Variants in CRPPA observed in about 807,000 individuals in gnomAD.
CRPPA encodes the protein CDP-L-ribitol pyrophosphorylase A.
A neutral mutation model predicts 52.0 loss-of-function variants in CRPPA; 43 were observed. The ratio of observed to expected loss-of-function variants is 0.83; its 90% CI spans 0.65 to 1.07. The LOEUF is 1.07. Among genes scored for constraint, CRPPA ranks in the 50% least tolerant of loss-of-function variants. The pLI, the probability that CRPPA is intolerant of heterozygous loss-of-function variation, is 0.00. For synonymous variants in CRPPA, 250 were observed against 203.5 expected, an observed-to-expected ratio of 1.23 and a Z score of -1.94; for missense variants, 629 against 551.7, an observed-to-expected ratio of 1.14 and a Z score of -1.40.
chr7:16,299,082 A>G (rs1272953911), intron 5 of CRPPA, among the ~76,000 whole-genome samples: 1 of 152,170 alleles, frequency 6.6e-6, no homozygotes, highest in African/African-American at 2.4e-5. Flanking sequence ...ATCTCTGTAC[A>G]TCCTACTGGT....
chr7:16,257,583 T>C (rs147166295), intron 8 of CRPPA, among the ~76,000 whole-genome samples: 1 of 152,258 alleles, frequency 6.6e-6, no homozygotes, highest in East Asian at 1.9e-4. Context: ...GTTATTTATA[T>C]TGCAAATTAT....
chr7:16,313,905 G>A (rs993336228), intron 3 of CRPPA, among the ~76,000 whole-genome samples: 25 of 151,928 alleles, frequency 1.6e-4, no homozygotes, highest in African/African-American at 6.0e-4. Flanking sequence ...TTGTTAAGGT[G>A]TGTTTTATGG....
intron 8 of CRPPA, 67 bp from the exon 9 acceptor site, chr7:16,216,264 T>TTA: frequency 9.7e-7 from 1 of 1,034,212 alleles, no homozygotes; most frequent in Non-Finnish European, 1.4e-6. Context: ...GGAAAAAACA[T>TTA]TAAAGAAGCT....
chr7:16,342,792 T>TAGATAGATAGATAGATAG (rs764068705), intron 3 of CRPPA, among the ~76,000 whole-genome samples: 1 of 91,538 alleles, frequency 1.1e-5, no homozygotes, highest in African/African-American at 4.2e-5. Flanking sequence ...AATATATATA[T>TAGATAGATAGATAGATAG]ATATATCTAT....
At chr7:16,318,754 T>C (rs1016902645) in intron 3 of CRPPA, among the ~76,000 whole-genome samples, 4 of 152,052 alleles carry the variant, frequency 2.6e-5, no homozygotes, top group African/African-American at 4.8e-5. Context: ...CCTCCACCTA[T>C]ATCAATCACA....
At chr7:16,259,970 T>A (rs1326723657) in intron 6 of CRPPA, among the ~76,000 whole-genome samples, 1 of 152,028 alleles carries the variant, frequency 6.6e-6, no homozygotes, top group African/African-American at 2.4e-5. Flanking sequence ...TATTAAATTT[T>A]AAAAATTTTA....
In CRPPA at chr7:16,089,302, A is replaced by ATT. The variant is rs1562496323; in HGVS notation, c.*2392_*2393insAA. 1 of 396,684 alleles carries ATT rather than the reference A, an allele frequency of 2.5e-6. No homozygotes were observed. Among genetic ancestry groups the ATT allele is most frequent in the East Asian group, 7.8e-5 (1 of 12,760 alleles). 24.6% of individuals were successfully genotyped at this position (396,684 alleles called of 1,614,324 possible). A position where few individuals can be genotyped will look rare whatever the true frequency, so the allele number is the denominator to read the frequency against. Reference sequence around the variant, plus strand: ...TGTGTGTATGCGTACGTATATACATATATGTGTGTATGCGTACGTATATAA... The same window carrying ATT: ...TGTGTGTATGCGTACGTATATACATATTTATGTGTGTATGCGTACGTATATAA... On this transcript the variant is annotated 3_prime_UTR_variant, in exon 10 of 10. Coordinates refer to ENST00000407010, the MANE Select transcript of CRPPA (RefSeq NM_001101426.4).
Position 16,389,677 on chromosome 7 carries a change from C to T in CRPPA, c.535-13436G>A, listed in dbSNP as rs562397720. Among the ~76,000 whole-genome samples, 3 of 151,746 alleles carry T rather than the reference C, an allele frequency of 2.0e-5. No homozygotes were observed. The East Asian group carries it at 5.8e-4, about 29-fold the overall frequency. On this transcript the variant is annotated intron_variant, in intron 2 of 9. Transcript: ENST00000407010. ...ACTGGTAAAATACTGAGTGTTTTCC[C>T]TTTATGATCAAGAGTAAGCAAGGAA...
intron 5 of CRPPA, among the ~76,000 whole-genome samples, chr7:16,297,298 C>T (rs559789524): frequency 2.4e-4 from 36 of 152,250 alleles, no homozygotes; most frequent in African/African-American, 8.2e-4. Flanking sequence ...GTCCAATGTC[C>T]TCCAAGTCTT....
At chr7:16,270,335 T>C (rs1784062930) in intron 6 of CRPPA, 1 of 151,862 alleles carries the variant, frequency 6.6e-6, no homozygotes, top group South Asian at 2.1e-4. Context: ...AGAATATAAA[T>C]AATTAAAAAG....
intron 9 of CRPPA, among the ~76,000 whole-genome samples, chr7:16,206,699 G>C (rs538780116): frequency 6.6e-6 from 1 of 152,060 alleles, no homozygotes; most frequent in African/African-American, 2.4e-5. Context: ...AAGTGTTTTA[G>C]AATGATACAG....
intron 3 of CRPPA, among the ~76,000 whole-genome samples, chr7:16,319,901 C>G (rs1202734282): frequency 6.6e-6 from 1 of 152,124 alleles, no homozygotes; most frequent in Admixed American, 6.5e-5. Context: ...TCAGCCAACC[C>G]TCCTTATTTT....
intron 1 of CRPPA, among the ~76,000 whole-genome samples, chr7:16,408,427 G>A (rs531827534): frequency 2.0e-5 from 3 of 152,332 alleles, no homozygotes; most frequent in African/African-American, 7.2e-5. Flanking sequence ...CTCATGGGCT[G>A]GGAGGAAGCG....
In CRPPA at chr7:16,258,901, A is replaced by G. The variant is rs1562591677; in HGVS notation, c.1026+19T>C. On this transcript the variant is annotated intron_variant, in intron 7 of 9. Transcript: ENST00000407010. ...TTGTTCATATCCTTAAGTGCCTTCA[A>G]TCATTTGAATTGACTTACATTCACA... 1.3e-6 allele frequency: 2 copies of G among 1,538,458 alleles called. No individual in the cohort carries two copies. Among genetic ancestry groups the G allele is most frequent in the Non-Finnish European group, 1.8e-6 (2 of 1,118,914 alleles).
chr7:16,384,024 C>T (rs1227982911), intron 2 of CRPPA, among the ~76,000 whole-genome samples: 1 of 152,198 alleles, frequency 6.6e-6, no homozygotes, highest in Non-Finnish European at 1.5e-5. Context: ...CACTGTCTGG[C>T]ACTCCCTAGT....
chr7:16,138,448 TA>T (rs1251412348), intron 9 of CRPPA, among the ~76,000 whole-genome samples: 2 of 152,174 alleles, frequency 1.3e-5, no homozygotes, highest in African/African-American at 4.8e-5. Context: ...TAGAATCATT[TA>T]AAAGCTTTTA....
intron 3 of CRPPA, among the ~76,000 whole-genome samples, chr7:16,333,033 A>G (rs1785591498): frequency 6.6e-6 from 1 of 152,196 alleles, no homozygotes; most frequent in African/African-American, 2.4e-5. Context: ...GATAAAGATT[A>G]TAAGATCATA....
chr7:16,138,586 C>T (rs1400541578), intron 9 of CRPPA, among the ~76,000 whole-genome samples: 1 of 151,746 alleles, frequency 6.6e-6, no homozygotes, highest in Non-Finnish European at 1.5e-5. Flanking sequence ...ATACAAGCTC[C>T]AAAGCATAAA....
At chr7:16,350,183 G>A (rs1786110732) in intron 3 of CRPPA, among the ~76,000 whole-genome samples, 1 of 151,832 alleles carries the variant, frequency 6.6e-6, no homozygotes, top group Non-Finnish European at 1.5e-5. Flanking sequence ...AGGTAATAAA[G>A]ACATTGTCAT....
Sources: gnomAD v4.1 joint callset for allele counts (sites outside exome capture counted in the v4.1 genomes callset) on GRCh38, gnomAD v4.1.1 for gene constraint, MANE v1.5 for transcripts, NCBI Gene and HGNC (gene_info 2026-07-23, HGNC 2026-07-21) for gene names.